Variants in ZDHHC18 observed in about 807,000 individuals in gnomAD.
The protein encoded by ZDHHC18 is zDHHC palmitoyltransferase 18.
A neutral mutation model predicts 37.5 loss-of-function variants in ZDHHC18; 23 were observed. The observed-to-expected ratio is 0.61, with a 90% CI of 0.44 to 0.87. The LOEUF (loss-of-function observed/expected upper bound fraction) is 0.87. ZDHHC18 is among the 40% of genes least tolerant of loss of function. The pLI is 0.00. For synonymous variants in ZDHHC18, 185 were observed against 218.7 expected, an observed-to-expected ratio of 0.85 and a Z score of 1.36; for missense variants, 406 against 525.6, an observed-to-expected ratio of 0.77 and a Z score of 2.22.
intron 2 of ZDHHC18, among the ~76,000 whole-genome samples, chr1:26,845,290 C>T (rs1435315874): frequency 7.1e-6 from 1 of 141,210 alleles, no homozygotes; most frequent in Non-Finnish European, 1.5e-5. Context: ...TGTAATTATC[C>T]ATTCCTGCTC....
At chr1:26,833,689 C>A (rs1360219322) in intron 2 of ZDHHC18, among the ~76,000 whole-genome samples, 1 of 152,086 alleles carries the variant, frequency 6.6e-6, no homozygotes, top group Non-Finnish European at 1.5e-5. Flanking sequence ...GCTCTTCCTG[C>A]TGAGAAGTGA....
intron 2 of ZDHHC18, among the ~76,000 whole-genome samples, chr1:26,847,713 G>A (rs1289506975): frequency 2.0e-5 from 3 of 149,378 alleles, no homozygotes; most frequent in African/African-American, 7.4e-5. Flanking sequence ...ACAGGTTCTG[G>A]CTTTGTTGCC....
chr1:26,846,322 T>A (rs1279876347), intron 2 of ZDHHC18, among the ~76,000 whole-genome samples: 1 of 80,580 alleles, frequency 1.2e-5, no homozygotes, highest in Admixed American at 1.3e-4. Flanking sequence ...TTTTTTTTTT[T>A]TTTTTTTTTT....
intron 2 of ZDHHC18, among the ~76,000 whole-genome samples, chr1:26,839,448 C>T (rs1363584981): frequency 6.6e-6 from 1 of 152,220 alleles, no homozygotes; most frequent in Admixed American, 6.5e-5. Flanking sequence ...TGACTCATTT[C>T]TATGAATTTG....
At chr1:26,843,567 T>C (rs2081648848) in intron 2 of ZDHHC18, among the ~76,000 whole-genome samples, 1 of 149,088 alleles carries the variant, frequency 6.7e-6, no homozygotes, top group Middle Eastern at 3.2e-3. Context: ...GGTGGGTGGA[T>C]GACTTCAGAT....
At chr1:26,843,941 C>T (rs1450690225) in intron 2 of ZDHHC18, among the ~76,000 whole-genome samples, 2 of 152,150 alleles carry the variant, frequency 1.3e-5, no homozygotes, top group African/African-American at 4.8e-5. Context: ...TGTCACTCTC[C>T]AAGGGTTACA....
chr1:26,839,306 G>C (rs1165367072), intron 2 of ZDHHC18, among the ~76,000 whole-genome samples: 1 of 152,230 alleles, frequency 6.6e-6, no homozygotes, highest in East Asian at 1.9e-4. Flanking sequence ...CCCTGGAGTA[G>C]ATCTTAGATT....
At position 26,832,623 on chromosome 1, in the gene ZDHHC18, C is replaced by T; in HGVS notation, c.496+16C>T. 1 of 1,612,014 alleles carries T rather than the reference C, an allele frequency of 6.2e-7. No individual in the cohort carries two copies. The highest frequency in any genetic ancestry group is 8.5e-7 in the Non-Finnish European group (1 of 1,178,382). On this transcript the variant is annotated intron_variant, in intron 2 of 7. Transcript: ENST00000374142. ...AAACAGATCGGTGAGGTTTCTACTC[C>T]CAGCTGAAGCTGGGTCTCCATAGCT...
At chr1:26,834,267 G>A (rs1199946428) in intron 2 of ZDHHC18, among the ~76,000 whole-genome samples, 4 of 152,200 alleles carry the variant, frequency 2.6e-5, no homozygotes, top group South Asian at 2.1e-4. Context: ...GAGCTTGGCC[G>A]TGTGCTGAGT....
rs565946747 is a variant in ZDHHC18 at position 26,837,543 on chromosome 1, G to T, written c.496+4936G>T. Among the ~76,000 whole-genome samples, 3 of 151,260 alleles carry T rather than the reference G, an allele frequency of 2.0e-5. 1 individual carries two copies. The South Asian group carries it at 6.3e-4, about 32-fold the overall frequency. ...CACCCAGGCTGGAGTGCAATGGTGT[G>T]ATCTCAGCTTACTGCAGCCTCCACC... On this transcript the variant is annotated intron_variant, in intron 2 of 7. Coordinates refer to ENST00000374142, the MANE Select transcript of ZDHHC18 (RefSeq NM_032283.3).
In ZDHHC18 at chr1:26,832,465, C is replaced by A. The variant is rs190999121; in HGVS notation, c.354C>A (p.Arg118=). 5.9e-5 allele frequency: 95 copies of A among 1,614,152 alleles called. No homozygotes were observed. The East Asian group carries it at 1.8e-3, about 31-fold the overall frequency. Residue 118 remains arginine (R), a synonymous_variant, in exon 2 of 8, where the codon CGC becomes CGA. Transcript: ENST00000374142. ...FFVFDCPYLA[R]KLTLAIPIIA... is the part of the protein sequence containing the mutation. Reference sequence around the variant, plus strand: ...GTTCTAGCTGTCCCTACCTGGCTCGCAAGCTGACCCTTGCCATCCCCATCA... The same window carrying A: ...GTTCTAGCTGTCCCTACCTGGCTCGAAAGCTGACCCTTGCCATCCCCATCA...
Position 26,848,762 on chromosome 1 carries a change from G to A in ZDHHC18, c.646+5G>A. ...GTGTCTGCGACAACTGTGTGGGTGA[G>A]TAGGAGGCAGCAGGGAGGGATGCAG... On this transcript the variant is annotated splice_donor_5th_base_variant and intron_variant, in intron 3 of 7. Transcript: ENST00000374142. The A allele has an allele frequency of 6.2e-7, 1 of 1,606,018 alleles. No homozygotes were observed. The highest frequency in any genetic ancestry group is 2.2e-5 in the East Asian group (1 of 44,586).
intron 2 of ZDHHC18, among the ~76,000 whole-genome samples, chr1:26,846,306 A>T (rs1458703348): frequency 3.7e-5 from 2 of 53,930 alleles, no homozygotes; most frequent in South Asian, 8.5e-4. Context: ...ATATATATAT[A>T]TATATTTTTT....
intron 2 of ZDHHC18, among the ~76,000 whole-genome samples, chr1:26,833,736 T>C (rs1445670155): frequency 6.6e-6 from 1 of 151,994 alleles, no homozygotes; most frequent in Non-Finnish European, 1.5e-5. Flanking sequence ...TTCCGGTCCG[T>C]GGTTAGCTCC....
rs1431315919 is a variant in ZDHHC18 at position 26,856,521 on chromosome 1, G to A, written c.*2678G>A. The A allele has an allele frequency of 4.6e-6, 1 of 215,698 alleles. No homozygotes were observed. Among genetic ancestry groups the A allele is most frequent in the African/African-American group, 2.3e-5 (1 of 44,288 alleles). 13.4% of individuals were successfully genotyped at this position (215,698 alleles called of 1,614,324 possible). A position where few individuals can be genotyped will look rare whatever the true frequency, so the allele number is the denominator to read the frequency against. On this transcript the variant is annotated 3_prime_UTR_variant, in exon 8 of 8. Transcript: ENST00000374142. The surrounding 1 kb of genome is among the most constrained non-coding windows in gnomAD (Gnocchi z 5.2). ...CAGAGCAGCTCTCCAGCTGGAAGAG[G>A]AGGTGGAGGGTGAGGCTGGGGAGAG... is the stretch of plus-strand genomic sequence containing the variant.
At position 26,826,944 on chromosome 1, in the gene ZDHHC18, G is replaced by C; in HGVS notation, c.140G>C (p.Arg47Pro). 1 of 1,163,898 alleles carries C rather than the reference G, an allele frequency of 8.6e-7. No individual in the cohort carries two copies. The highest frequency in any genetic ancestry group is 1.1e-6 in the Non-Finnish European group (1 of 944,738). 72.1% of individuals were successfully genotyped at this position (1,163,898 alleles called of 1,614,324 possible). A position where few individuals can be genotyped will look rare whatever the true frequency, so the allele number is the denominator to read the frequency against. The change falls in exon 1 of 8, where the codon CGC becomes CCC. Residue 47 changes from arginine (R) to proline (P), a missense_variant. By Grantham distance (103) the Arg-to-Pro change is moderately radical. Transcript: ENST00000374142. The surrounding 1 kb of genome is among the most constrained non-coding windows in gnomAD (Gnocchi z 5.2). ...PAPPAAPAPPRWSSSGSGSGS... is the reference protein window; with the variant it reads ...PAPPAAPAPPPWSSSGSGSGS... ...CCGCCCGCCGCCCCCGCCCCGCCGC[G>C]CTGGAGCAGCAGCGGCAGCGGCAGC... is the stretch of plus-strand genomic sequence containing the variant.
At position 26,854,104 on chromosome 1, in the gene ZDHHC18, G is replaced by A; in HGVS notation, c.*261G>A. The A allele has an allele frequency of 2.1e-6, 1 of 469,778 alleles. No homozygotes were observed. The highest frequency in any genetic ancestry group is 3.9e-6 in the Non-Finnish European group (1 of 257,292). 29.1% of individuals were successfully genotyped at this position (469,778 alleles called of 1,614,324 possible). ...GACCAGAGCCTCTGGAGGCTACCCA[G>A]GGGACCACACCAAGTCCTTGCCTGT... On this transcript the variant is annotated 3_prime_UTR_variant, in exon 8 of 8. Transcript: ENST00000374142. This position sits in a 1 kb window ranked among gnomAD's most constrained non-coding sequence, Gnocchi z 4.6.
rs986105325 is a variant in ZDHHC18 at position 26,850,788 on chromosome 1, G to A, written c.833+182G>A. ...GAGCTGATCCTAAATGGGGCATTGT[G>A]GGGCCGGGGGTTCCTCGTCTTCAGG... is the stretch of plus-strand genomic sequence containing the variant. On this transcript the variant is annotated intron_variant, in intron 5 of 7. Transcript: ENST00000374142. This position sits in a 1 kb window ranked among gnomAD's most constrained non-coding sequence, Gnocchi z 6.1. Among the ~76,000 whole-genome samples the A allele has an allele frequency of 6.6e-6, 1 of 152,186 alleles. No individual in the cohort carries two copies. Among genetic ancestry groups the A allele is most frequent in the Admixed American group, 6.5e-5 (1 of 15,282 alleles).
intron 1 of ZDHHC18, 77 bp downstream of exon 1, chr1:26,827,216 C>G: frequency 8.5e-7 from 1 of 1,181,988 alleles, no homozygotes. Context: ...CTGGGCACTC[C>G]GTGCCTTCCC....
Sources: allele counts gnomAD v4.1 joint callset (sites outside exome capture counted in the v4.1 genomes callset), GRCh38; gene constraint gnomAD v4.1.1; non-coding constraint Gnocchi (gnomAD v3.1); transcripts MANE v1.5; gene names NCBI Gene and HGNC (gene_info 2026-07-23, HGNC 2026-07-21).